The following RBM20 variants were observed in gnomAD, a reference collection of about 807,000 sequenced individuals.
RBM20 encodes the protein RNA binding motif protein 20.
A neutral mutation model predicts 110.1 loss-of-function variants in RBM20; 51 were observed. The ratio of observed to expected loss-of-function variants is 0.46; its 90% CI spans 0.37 to 0.59. The LOEUF (loss-of-function observed/expected upper bound fraction) is 0.59. Among genes scored for constraint, RBM20 ranks in the 20% least tolerant of loss-of-function variants. RBM20 has a pLI of 0.00. For missense variants in RBM20, 1,512 were observed against 1,574.9 expected (o/e 0.96, Z 0.68); for synonymous variants, 589 against 618.2 (o/e 0.95, Z 0.70).
chr10:110,749,528 A>G (rs981637262), intron 1 of RBM20, among the ~76,000 whole-genome samples: 1 of 152,232 alleles, frequency 6.6e-6, no homozygotes, highest in African/African-American at 2.4e-5. Flanking sequence ...CATTTGTGTA[A>G]AAGTGTCTCA....
intron 1 of RBM20, among the ~76,000 whole-genome samples, chr10:110,659,736 TTTCCTCTTCCTCTTCTTC>T (rs1263012837): frequency 1.2e-4 from 19 of 152,004 alleles, no homozygotes; most frequent in African/African-American, 4.1e-4. Flanking sequence ...TTTTCTTTCC[TTTCCTCTTCCTCTTCTTC>T]TTCCTCTTCC....
chr10:110,721,818 C>T (rs1843510096), intron 1 of RBM20, among the ~76,000 whole-genome samples: 1 of 152,170 alleles, frequency 6.6e-6, no homozygotes, highest in African/African-American at 2.4e-5. Context: ...CCATTTATTG[C>T]AGAACCTTCC....
chr10:110,725,813 G>A (rs1056863105), intron 1 of RBM20, among the ~76,000 whole-genome samples: 27 of 152,232 alleles, frequency 1.8e-4, no homozygotes, highest in African/African-American at 6.0e-4. Context: ...CTGGGGTGGC[G>A]TGTGTATAGG....
At chr10:110,710,669 G>A (rs1413580535) in intron 1 of RBM20, among the ~76,000 whole-genome samples, 3 of 152,224 alleles carry the variant, frequency 2.0e-5, no homozygotes, top group Non-Finnish European at 4.4e-5. Flanking sequence ...GGCAAATGAT[G>A]GGGCTTCCTT....
At chr10:110,814,781 G>A (rs1458587928) in intron 9 of RBM20, among the ~76,000 whole-genome samples, 3 of 152,150 alleles carry the variant, frequency 2.0e-5, no homozygotes, top group South Asian at 2.1e-4. Context: ...GGCGTGAGCC[G>A]CCGTGCCCTG....
At chr10:110,727,406 T>TAAAATAA (rs1564827058) in intron 1 of RBM20, among the ~76,000 whole-genome samples, 2 of 78,244 alleles carry the variant, frequency 2.6e-5, no homozygotes, top group Non-Finnish European at 5.1e-5. Context: ...TCTCAAAAAA[T>TAAAATAA]AAAAATAAAA....
At chr10:110,670,304 G>C (rs1463620768) in intron 1 of RBM20, among the ~76,000 whole-genome samples, 1 of 152,214 alleles carries the variant, frequency 6.6e-6, no homozygotes, top group African/African-American at 2.4e-5. Context: ...TTCAAGAAAT[G>C]ATCTAGCTCA....
chr10:110,680,568 G>A (rs1862408432), intron 1 of RBM20, among the ~76,000 whole-genome samples: 1 of 152,244 alleles, frequency 6.6e-6, no homozygotes, highest in South Asian at 2.1e-4. Context: ...TGGCGAGCCA[G>A]GATTTGCCAA....
Position 110,792,886 on chromosome 10 carries a change from G to A in RBM20, c.1528-4622G>A, listed in dbSNP as rs117007925. On this transcript the variant is annotated intron_variant, in intron 5 of 13. Transcript: ENST00000369519. ...TTGGGAATGGATGCATGGTTAAACA[G>A]CCAATTACACAGAGAGAGAGGACAA... 2.0e-4 allele frequency among the ~76,000 whole-genome samples: 31 copies of A among 152,276 alleles called. No homozygotes were observed. In the East Asian group the frequency reaches 5.8e-3, roughly 28 times the overall value.
chr10:110,824,588 G>A (rs1844959932), intron 12 of RBM20, among the ~76,000 whole-genome samples: 1 of 152,162 alleles, frequency 6.6e-6, no homozygotes, highest in African/African-American at 2.4e-5. Flanking sequence ...AATGAAGTGG[G>A]GAGGGAGTTT....
intron 1 of RBM20, among the ~76,000 whole-genome samples, chr10:110,699,365 G>C (rs1862720282): frequency 6.7e-6 from 1 of 149,814 alleles, no homozygotes. Context: ...GCCTCCTCCT[G>C]GGTTCAAGTG....
At chr10:110,793,230 A>C (rs1019119148) in intron 5 of RBM20, among the ~76,000 whole-genome samples, 3 of 152,180 alleles carry the variant, frequency 2.0e-5, no homozygotes, top group Admixed American at 1.3e-4. Flanking sequence ...GTCTTCTAGG[A>C]GGATGCTCTT....
At chr10:110,738,554 G>A (rs1301611424) in intron 1 of RBM20, among the ~76,000 whole-genome samples, 1 of 152,138 alleles carries the variant, frequency 6.6e-6, no homozygotes, top group African/African-American at 2.4e-5. Context: ...TCTGTGAAAT[G>A]ACAGGGAGCT....
intron 1 of RBM20, among the ~76,000 whole-genome samples, chr10:110,676,015 G>A (rs12772458): frequency 0.57 from 86,785 of 152,078 alleles, 27,472 homozygotes; most frequent in South Asian, 0.69. Flanking sequence ...AGTTTACTTG[G>A]TAGTCACCTG....
At chr10:110,807,754 A>C (rs1409229663) in intron 7 of RBM20, among the ~76,000 whole-genome samples, 1 of 152,252 alleles carries the variant, frequency 6.6e-6, no homozygotes, top group Non-Finnish European at 1.5e-5. Flanking sequence ...GAGCAGAAGA[A>C]AACTGGAACC....
intron 1 of RBM20, among the ~76,000 whole-genome samples, chr10:110,660,738 G>A (rs971893090): frequency 3.3e-5 from 5 of 151,538 alleles, no homozygotes; most frequent in African/African-American, 1.2e-4. Context: ...TAAGCTCAGG[G>A]CTCCCACTGA....
chr10:110,694,277 A>G (rs1223011950), intron 1 of RBM20, among the ~76,000 whole-genome samples: 2 of 152,250 alleles, frequency 1.3e-5, no homozygotes, highest in Non-Finnish European at 2.9e-5. Context: ...GCCAAAAGGC[A>G]GCCTTGATCC....
chr10:110,715,055 CT>C (rs2134920096), intron 1 of RBM20, among the ~76,000 whole-genome samples: 1 of 152,306 alleles, frequency 6.6e-6, no homozygotes, highest in South Asian at 2.1e-4. Flanking sequence ...CGAGACCATC[CT>C]GGTCAACATG....
At chr10:110,706,775 C>G (rs1374087673) in intron 1 of RBM20, among the ~76,000 whole-genome samples, 1 of 152,212 alleles carries the variant, frequency 6.6e-6, no homozygotes, top group Non-Finnish European at 1.5e-5. Context: ...GTAGTCAGGC[C>G]ATTTACAAAT....
Sources: gnomAD v4.1 joint callset for allele counts (sites outside exome capture counted in the v4.1 genomes callset) on GRCh38, gnomAD v4.1.1 for gene constraint, MANE v1.5 for transcripts, NCBI Gene and HGNC (gene_info 2026-07-23, HGNC 2026-07-21) for gene names.